KALRN: variants seen among roughly 807,000 people sequenced by gnomAD.
KALRN encodes the protein kalirin.
In KALRN, 70 loss-of-function variants were observed where a neutral mutation model predicts 353.7. The ratio of observed to expected loss-of-function variants is 0.20; its 90% CI spans 0.16 to 0.24. KALRN has a LOEUF of 0.24. Among genes scored for constraint, KALRN ranks in the 10% least tolerant of loss-of-function variants. KALRN has a pLI of 1.00. For synonymous variants in KALRN, 1,391 were observed against 1,434.8 expected (o/e 0.97, Z 0.69); for missense variants, 2,791 against 3,756.7 (o/e 0.74, Z 6.72).
At chr3:124,052,910 G>A (rs1206417504) in intron 1 of KALRN, among the ~76,000 whole-genome samples, 2 of 152,184 alleles carry the variant, frequency 1.3e-5, no homozygotes, top group African/African-American at 4.8e-5. Context: ...AGCAGAGGAA[G>A]AAAGGTGAGC....
At chr3:124,650,684 G>A in intron 37 of KALRN, 124 bp from the exon 38 acceptor site, 1 of 965,312 alleles carries the variant, frequency 1.0e-6, no homozygotes, top group Non-Finnish European at 1.6e-6. Flanking sequence ...CTTCACTGTG[G>A]TTTGGTGAGA....
In KALRN at chr3:124,326,326, A is replaced by G. The variant is rs533472392; in HGVS notation, c.1284+155A>G. On this transcript the variant is annotated intron_variant, in intron 7 of 59. Coordinates refer to ENST00000682506, the MANE Select transcript of KALRN (RefSeq NM_001388419.1). ...TGCCGAGTCATTGCAACAATAACCT[A>G]TGTTCTACCACTTTGATGGCCCCTG... Among the ~76,000 whole-genome samples, 16 of 152,258 alleles carry G rather than the reference A, an allele frequency of 1.1e-4. No homozygotes were observed. The South Asian group carries it at 2.7e-3, about 26-fold the overall frequency.
intron 3 of KALRN, among the ~76,000 whole-genome samples, chr3:124,237,110 G>A (rs2148606249): frequency 6.6e-6 from 1 of 152,364 alleles, no homozygotes; most frequent in South Asian, 2.1e-4. Flanking sequence ...TCTAAAGACA[G>A]TGAAGTTTGG....
chr3:124,433,732 T>C (rs896914174), intron 16 of KALRN, among the ~76,000 whole-genome samples: 1 of 152,090 alleles, frequency 6.6e-6, no homozygotes, highest in South Asian at 2.1e-4. Context: ...CCCAGTGAAG[T>C]AATTAAGGGA....
chr3:124,343,262 A>T (rs924856439), intron 9 of KALRN, among the ~76,000 whole-genome samples: 1 of 152,130 alleles, frequency 6.6e-6, no homozygotes, highest in African/African-American at 2.4e-5. Flanking sequence ...GGCTCAGGGG[A>T]TCCTCCCTCC....
At chr3:124,584,938 T>C in intron 34 of KALRN, 1 of 1,576,886 alleles carries the variant, frequency 6.3e-7, no homozygotes, top group Non-Finnish European at 8.6e-7. Context: ...TGGTGCCTTC[T>C]GTTAGCCAGA....
intron 6 of KALRN, among the ~76,000 whole-genome samples, chr3:124,308,764 A>G (rs546502719): frequency 2.0e-5 from 3 of 151,936 alleles, no homozygotes; most frequent in African/African-American, 7.2e-5. Context: ...ACACTGGAAA[A>G]AGAAGAGCAA....
At chr3:124,044,366 G>C (rs1372833752) in intron 1 of KALRN, among the ~76,000 whole-genome samples, 3 of 152,114 alleles carry the variant, frequency 2.0e-5, no homozygotes, top group East Asian at 3.9e-4. Flanking sequence ...ACCAGTTCCA[G>C]AATCATAGAA....
intron 1 of KALRN, among the ~76,000 whole-genome samples, chr3:124,112,059 T>A (rs1187045553): frequency 1.3e-5 from 2 of 151,946 alleles, no homozygotes; most frequent in Non-Finnish European, 2.9e-5. Context: ...ATCTCAGCAT[T>A]TGGGAGGCTG....
chr3:124,208,391 A>G (rs1362849680), intron 1 of KALRN, among the ~76,000 whole-genome samples: 1 of 152,202 alleles, frequency 6.6e-6, no homozygotes, highest in African/African-American at 2.4e-5. Flanking sequence ...AGGATGAATT[A>G]TGAAAGGAAA....
At chr3:124,685,673 G>A (rs1055877815) in intron 51 of KALRN, among the ~76,000 whole-genome samples, 6 of 152,168 alleles carry the variant, frequency 3.9e-5, no homozygotes, top group African/African-American at 1.2e-4. Context: ...CCTCACCCAC[G>A]CCCTTTCTCA....
In KALRN at chr3:124,719,605, T is replaced by A; in HGVS notation, c.*135T>A. ...AATTGAGAGATGTACCTCTTAAACC[T>A]CGTCAGTGGTTATTCAGGGTCTGAG... is the stretch of plus-strand genomic sequence containing the variant. On this transcript the variant is annotated 3_prime_UTR_variant, in exon 60 of 60. Coordinates refer to ENST00000682506, the MANE Select transcript of KALRN (RefSeq NM_001388419.1). The surrounding 1 kb of genome is among the most constrained non-coding windows in gnomAD (Gnocchi z 5.3). 5 of 820,456 alleles carry A rather than the reference T, an allele frequency of 6.1e-6. No individual in the cohort carries two copies. Among genetic ancestry groups the A allele is most frequent in the South Asian group, 1.9e-5 (1 of 54,032 alleles). 50.8% of individuals were successfully genotyped at this position (820,456 alleles called of 1,614,324 possible). A position where few individuals can be genotyped will look rare whatever the true frequency, so the allele number is the denominator to read the frequency against.
intron 10 of KALRN, among the ~76,000 whole-genome samples, chr3:124,375,120 G>T (rs1299383747): frequency 1.3e-5 from 2 of 152,196 alleles, no homozygotes; most frequent in Non-Finnish European, 2.9e-5. Context: ...AGGGAAGGGA[G>T]AGGGTGACCA....
chr3:124,374,080 G>A (rs2086246685), intron 10 of KALRN, among the ~76,000 whole-genome samples: 1 of 152,174 alleles, frequency 6.6e-6, no homozygotes, highest in African/African-American at 2.4e-5. Flanking sequence ...GTTGTATTAT[G>A]AGGCAGGAAC....
chr3:124,622,779 G>T (rs890123340), intron 34 of KALRN, among the ~76,000 whole-genome samples: 1 of 152,182 alleles, frequency 6.6e-6, no homozygotes, highest in African/African-American at 2.4e-5. Flanking sequence ...AGTATTTTGT[G>T]ATTAGAAAAG....
intron 33 of KALRN, among the ~76,000 whole-genome samples, chr3:124,559,225 T>C (rs955831706): frequency 3.3e-5 from 5 of 151,908 alleles, no homozygotes; most frequent in Non-Finnish European, 5.9e-5. Context: ...CTGGGAAGCA[T>C]TGCGGAGGGT....
At chr3:124,660,762 A>G (rs2084761081) in intron 43 of KALRN, among the ~76,000 whole-genome samples, 161 bp from the exon 44 acceptor site, 1 of 151,892 alleles carries the variant, frequency 6.6e-6, no homozygotes, top group African/African-American at 2.4e-5. Context: ...TACATCTTAC[A>G]TGACTCATAA....
chr3:124,302,465 GA>G (rs764333963), intron 6 of KALRN, among the ~76,000 whole-genome samples: 3 of 152,162 alleles, frequency 2.0e-5, no homozygotes, highest in Non-Finnish European at 2.9e-5. Context: ...CCTGTGAATT[GA>G]AGTAACTCTA....
chr3:124,637,406 T>A, intron 37 of KALRN, 103 bp downstream of exon 37: 1 of 841,872 alleles, frequency 1.2e-6, no homozygotes, highest in Non-Finnish European at 2.0e-6. Context: ...TCCTCATTCT[T>A]CCTATGTGAT....
Sources: allele counts gnomAD v4.1 joint callset (sites outside exome capture counted in the v4.1 genomes callset), GRCh38; gene constraint gnomAD v4.1.1; non-coding constraint Gnocchi (gnomAD v3.1); transcripts MANE v1.5; gene names NCBI Gene and HGNC (gene_info 2026-07-23, HGNC 2026-07-21).